The following PCMTD1 variants were observed in gnomAD, a reference collection of about 807,000 sequenced individuals.
PCMTD1 encodes the protein protein-L-isoaspartate (D-aspartate) O-methyltransferase domain containing 1.
In PCMTD1, 12 loss-of-function variants were observed where a neutral mutation model predicts 37.6. The observed-to-expected ratio is 0.32, with a 90% confidence interval of 0.20 to 0.52. The LOEUF is 0.52. Among genes scored for constraint, PCMTD1 ranks in the 20% least tolerant of loss-of-function variants. PCMTD1 has a pLI of 0.97. For synonymous variants in PCMTD1, 117 were observed against 135.8 expected, an observed-to-expected ratio of 0.86 and a Z score of 0.96; for missense variants, 235 against 421.3, an observed-to-expected ratio of 0.56 and a Z score of 3.87.
intron 5 of PCMTD1, among the ~76,000 whole-genome samples, chr8:51,824,638 TTCAATGCTATCCCCA>T (rs2037897157): frequency 6.6e-6 from 1 of 152,196 alleles, no homozygotes. Context: ...AATTTATAGA[TTCAATGCTATCCCCA>T]TCAAGCTACC....
intron 1 of PCMTD1, among the ~76,000 whole-genome samples, chr8:51,865,658 ACACAGAGGG>A (rs2038544205): frequency 2.0e-5 from 3 of 152,052 alleles, no homozygotes; most frequent in Admixed American, 6.5e-5. Context: ...AATAAATTAG[ACACAGAGGG>A]AAGATACCTC....
rs560359452 is a variant in PCMTD1, at chr8:51,822,158, A to G, written c.707-1440T>C. ...GCAGAGGGAACCTAAAAGGTAAATG[A>G]GCTTAGCATGTCCAAGGAGCCGAAG... is the stretch of plus-strand genomic sequence containing the variant. On this transcript the variant is annotated intron_variant, in intron 5 of 5. Coordinates refer to ENST00000522514, the MANE Select transcript of PCMTD1 (RefSeq NM_052937.4). 5.3e-5 allele frequency among the ~76,000 whole-genome samples: 8 copies of G among 152,292 alleles called. No homozygotes were observed. The East Asian group carries it at 1.4e-3, about 26-fold the overall frequency.
At chr8:51,892,275 C>T (rs1380712862) in intron 1 of PCMTD1, among the ~76,000 whole-genome samples, 2 of 152,138 alleles carry the variant, frequency 1.3e-5, no homozygotes. Context: ...ATCCAGACAC[C>T]AAACTCCAGA....
At position 51,849,898 on chromosome 8, in the gene PCMTD1, G is replaced by A. The variant is rs1227662515; in HGVS notation, c.308-4135C>T. On this transcript the variant is annotated intron_variant, in intron 2 of 5. Coordinates refer to ENST00000522514, the MANE Select transcript of PCMTD1 (RefSeq NM_052937.4). ...GTGTGGTGCTGATGAGTAGAAGACT[G>A]AGGCAGACCAAGGAAACCTGAGAGT... The A allele has an allele frequency of 6.6e-6, 4 of 608,842 alleles. No homozygotes were observed. The East Asian group carries it at 8.2e-5, about 13-fold the overall frequency. The allele number at this position is 608,842 out of a possible 1,614,324, so 37.7% of individuals were successfully genotyped here. A position where few individuals can be genotyped will look rare whatever the true frequency, so the allele number is the denominator to read the frequency against.
At chr8:51,840,483 A>C (rs151131691) in intron 3 of PCMTD1, among the ~76,000 whole-genome samples, 135 of 152,242 alleles carry the variant, frequency 8.9e-4, no homozygotes, top group African/African-American at 3.1e-3. Flanking sequence ...ATCTCTAACA[A>C]TTGTTATAAA....
intron 1 of PCMTD1, among the ~76,000 whole-genome samples, chr8:51,878,393 T>C (rs1185747514): frequency 6.6e-5 from 10 of 152,206 alleles, no homozygotes; most frequent in Non-Finnish European, 8.8e-5. Flanking sequence ...CTTGTGCTAT[T>C]TCTCACAATT....
chr8:51,860,260 A>G lies in PCMTD1; in HGVS notation c.307+585T>C, dbSNP rs977461527. ...ACACATACTGCTTTAAACAATACCT[A>G]GCATTTAACACCCAGTAAGCTCTTT... On this transcript the variant is annotated intron_variant, in intron 2 of 5. Transcript: ENST00000522514. Among the ~76,000 whole-genome samples the G allele has an allele frequency of 2.0e-5, 3 of 152,234 alleles. No homozygotes were observed. In the East Asian group the frequency reaches 5.8e-4, roughly 29 times the overall value.
chr8:51,891,601 G>C (rs757246895), intron 1 of PCMTD1, among the ~76,000 whole-genome samples: 7 of 149,528 alleles, frequency 4.7e-5, no homozygotes, highest in Non-Finnish European at 8.9e-5. Flanking sequence ...ATTTAGCATA[G>C]AATGCCTGGA....
chr8:51,856,946 T>C (rs1301776093), intron 2 of PCMTD1, among the ~76,000 whole-genome samples: 3 of 152,210 alleles, frequency 2.0e-5, no homozygotes, highest in Non-Finnish European at 4.4e-5. Context: ...TGAATTGTAC[T>C]CTTAAATGAG....
upstream of PCMTD1, chr8:51,899,165 A>C: frequency 7.6e-7 from 1 of 1,315,422 alleles, no homozygotes; most frequent in Non-Finnish European, 9.7e-7. Flanking sequence ...AAAGTCAACA[A>C]GGCCGGGAGA....
At chr8:51,861,813 A>G (rs1473051449) in intron 1 of PCMTD1, among the ~76,000 whole-genome samples, 1 of 151,790 alleles carries the variant, frequency 6.6e-6, no homozygotes, top group Non-Finnish European at 1.5e-5. Context: ...CCTGGGCTCA[A>G]GTAATCCTCC....
intron 2 of PCMTD1, among the ~76,000 whole-genome samples, chr8:51,852,181 G>A (rs1301364550): frequency 2.0e-5 from 3 of 152,208 alleles, no homozygotes; most frequent in Non-Finnish European, 4.4e-5. Flanking sequence ...AAGGGTAGGA[G>A]ATGTGTCTTG....
intron 2 of PCMTD1, among the ~76,000 whole-genome samples, chr8:51,851,201 C>G (rs1240892870): frequency 6.6e-6 from 1 of 152,218 alleles, no homozygotes; most frequent in African/African-American, 2.4e-5. Flanking sequence ...TTGTTATTTG[C>G]TCTCCAGTTT....
intron 5 of PCMTD1, among the ~76,000 whole-genome samples, 155 bp downstream of exon 5, chr8:51,831,289 C>T (rs1442303363): frequency 9.7e-6 from 1 of 103,590 alleles, no homozygotes; most frequent in Non-Finnish European, 2.3e-5. Flanking sequence ...CAGAACAAGA[C>T]TGTCTCCAAA....
intron 1 of PCMTD1, among the ~76,000 whole-genome samples, chr8:51,892,249 C>T (rs918617949): frequency 6.6e-6 from 1 of 152,212 alleles, no homozygotes; most frequent in Admixed American, 6.5e-5. Flanking sequence ...GTTAAATATA[C>T]TAGCATAGGC....
At chr8:51,879,348 T>C (rs1380741036) in intron 1 of PCMTD1, among the ~76,000 whole-genome samples, 1 of 152,050 alleles carries the variant, frequency 6.6e-6, no homozygotes, top group Non-Finnish European at 1.5e-5. Flanking sequence ...AGGAAACTTA[T>C]AAGAGCCAAA....
intron 5 of PCMTD1, among the ~76,000 whole-genome samples, chr8:51,827,866 T>G (rs2037943552): frequency 6.6e-6 from 1 of 152,218 alleles, no homozygotes; most frequent in South Asian, 2.1e-4. Context: ...TATTCCTATT[T>G]TACATTCACA....
rs2038336743 is a variant in PCMTD1, at chr8:51,853,353, A to G, written c.307+7492T>C. ...GGCTCTAACCTGACGCATTCAGTCC[A>G]ATATCCAACTCAGCCTAGGGAAGAC... On this transcript the variant is annotated intron_variant, in intron 2 of 5. Transcript: ENST00000522514. 2.6e-5 allele frequency among the ~76,000 whole-genome samples: 4 copies of G among 152,316 alleles called. No homozygotes were observed. The South Asian group carries it at 8.3e-4, about 32-fold the overall frequency.
At chr8:51,833,888 C>A (rs1456236163) in intron 3 of PCMTD1, among the ~76,000 whole-genome samples, 199 bp from the exon 4 acceptor site, 1 of 152,066 alleles carries the variant, frequency 6.6e-6, no homozygotes, top group Non-Finnish European at 1.5e-5. Flanking sequence ...TGACATAGGA[C>A]GGACATGTGT....
Sources: gnomAD v4.1 joint callset for allele counts (sites outside exome capture counted in the v4.1 genomes callset) on GRCh38, gnomAD v4.1.1 for gene constraint, MANE v1.5 for transcripts, NCBI Gene and HGNC (gene_info 2026-07-23, HGNC 2026-07-21) for gene names.